Variants in SHROOM3 observed in about 807,000 individuals in gnomAD.
SHROOM3 encodes shroom family member 3, also known as protein Shroom3.
A neutral mutation model predicts 138.6 loss-of-function variants in SHROOM3; 47 were observed. That is an observed-to-expected ratio of 0.34 (90% CI 0.27 to 0.43). The LOEUF (loss-of-function observed/expected upper bound fraction) is 0.43, where lower values mean the gene tolerates loss of function less well. Ranked by LOEUF, SHROOM3 falls within the 20% of genes least tolerant of loss-of-function variation. SHROOM3 has a pLI of 1.00. For synonymous variants in SHROOM3, 1,062 were observed against 1,063.3 expected (o/e 1.00, Z 0.02); for missense variants, 2,491 against 2,596.5 (o/e 0.96, Z 0.88).
chr4:76,486,606 G>T (rs1329107995), intron 1 of SHROOM3, among the ~76,000 whole-genome samples: 1 of 152,212 alleles, frequency 6.6e-6, no homozygotes, highest in Admixed American at 6.5e-5. Context: ...TCCCAGGAAA[G>T]AAAGCTACAT....
At chr4:76,508,732 G>A (rs1026583200) in intron 1 of SHROOM3, among the ~76,000 whole-genome samples, 9 of 152,132 alleles carry the variant, frequency 5.9e-5, no homozygotes, top group Non-Finnish European at 1.2e-4. Flanking sequence ...TTTCAACAAT[G>A]TTTCATGGTT....
chr4:76,464,234 G>A (rs1004129537), intron 1 of SHROOM3, among the ~76,000 whole-genome samples: 3 of 152,220 alleles, frequency 2.0e-5, no homozygotes, highest in Non-Finnish European at 4.4e-5. Context: ...TGACTTGGAT[G>A]TGATACATGG....
intron 2 of SHROOM3, among the ~76,000 whole-genome samples, chr4:76,672,488 C>T (rs1560586823): frequency 6.6e-6 from 1 of 150,774 alleles, no homozygotes; most frequent in Admixed American, 6.6e-5. Context: ...GAACAGTAAG[C>T]TTAAACTATG....
intron 4 of SHROOM3, among the ~76,000 whole-genome samples, chr4:76,731,787 A>AAAAC (rs1293664274): frequency 4.1e-5 from 6 of 147,072 alleles, no homozygotes; most frequent in Non-Finnish European, 9.0e-5. Flanking sequence ...TCTCAAAAAA[A>AAAAC]AAACAAACAA....
chr4:76,510,887 A>T (rs4604077), intron 1 of SHROOM3, among the ~76,000 whole-genome samples: 45,101 of 151,920 alleles, frequency 0.3, 7,552 homozygotes, highest in African/African-American at 0.44. Flanking sequence ...TGGCTCTAAA[A>T]TGTTCATTTC....
At chr4:76,436,803 C>A (rs2109961254) in intron 1 of SHROOM3, among the ~76,000 whole-genome samples, 1 of 152,274 alleles carries the variant, frequency 6.6e-6, no homozygotes, top group Middle Eastern at 3.4e-3. Context: ...CTGCAGCATA[C>A]CTCAATTCTT....
chr4:76,780,846 C>A lies in SHROOM3; in HGVS notation c.*1669C>A. Reference sequence around the variant, plus strand: ...CCTGTCTCCCAGGAAAGCAGTAGAACCAGTGACAGCATTCAACAGCCACAC... The same window carrying A: ...CCTGTCTCCCAGGAAAGCAGTAGAAACAGTGACAGCATTCAACAGCCACAC... On this transcript the variant is annotated 3_prime_UTR_variant, in exon 11 of 11. Coordinates refer to ENST00000296043, the MANE Select transcript of SHROOM3 (RefSeq NM_020859.4). 1 of 152,298 alleles carries A rather than the reference C, an allele frequency of 6.6e-6. No homozygotes were observed. The highest frequency in any genetic ancestry group is 1.5e-5 in the Non-Finnish European group (1 of 68,060). 9.4% of individuals were successfully genotyped at this position (152,298 alleles called of 1,614,324 possible).
intron 3 of SHROOM3, among the ~76,000 whole-genome samples, chr4:76,727,534 T>A (rs976513530): frequency 1.3e-5 from 2 of 152,170 alleles, no homozygotes; most frequent in African/African-American, 4.8e-5. Context: ...GCAGCAAGAA[T>A]ACTGAACTGC....
chr4:76,516,913 C>T (rs1017632156), intron 1 of SHROOM3, among the ~76,000 whole-genome samples: 6 of 152,182 alleles, frequency 3.9e-5, no homozygotes, highest in Admixed American at 3.3e-4. Context: ...TTCCATCATA[C>T]CCAGATTTTA....
chr4:76,594,547 G>T (rs577520603), intron 2 of SHROOM3, among the ~76,000 whole-genome samples: 13 of 152,292 alleles, frequency 8.5e-5, no homozygotes, highest in East Asian at 1.9e-4. Context: ...AATTAGAGGT[G>T]AGGACATCAT....
At chr4:76,759,744 A>G in intron 9 of SHROOM3, 49 bp downstream of exon 9, 1 of 1,593,330 alleles carries the variant, frequency 6.3e-7, no homozygotes, top group Non-Finnish European at 8.6e-7. Context: ...AGAAAAATTG[A>G]CAAGGTCCAT....
intron 1 of SHROOM3, among the ~76,000 whole-genome samples, chr4:76,516,634 T>C (rs1732450092): frequency 6.6e-6 from 1 of 151,924 alleles, no homozygotes; most frequent in African/African-American, 2.4e-5. Context: ...CTAATAGATA[T>C]TATGCAATAA....
intron 1 of SHROOM3, among the ~76,000 whole-genome samples, chr4:76,497,012 C>T (rs978055154): frequency 6.6e-5 from 10 of 152,134 alleles, no homozygotes; most frequent in African/African-American, 1.9e-4. Flanking sequence ...TAGCATGGTG[C>T]CTTACATAAA....
intron 2 of SHROOM3, among the ~76,000 whole-genome samples, chr4:76,669,712 C>T (rs545048204): frequency 6.2e-4 from 94 of 151,834 alleles, no homozygotes; most frequent in Non-Finnish European, 1.2e-3. Flanking sequence ...CAAACCAAAA[C>T]GAGTATGTGG....
intron 1 of SHROOM3, among the ~76,000 whole-genome samples, chr4:76,505,518 C>T (rs1032389646): frequency 2.6e-5 from 4 of 151,772 alleles, no homozygotes; most frequent in African/African-American, 9.7e-5. Flanking sequence ...GGTTCTGCAT[C>T]TATGGATTCA....
Position 76,741,782 on chromosome 4 carries a change from T to C in SHROOM3, c.3609T>C (p.Asp1203=), listed in dbSNP as rs751394463. Reference sequence around the variant, plus strand: ...GAACAAGGGGCACCCAGAGAGGGGATGAGACCCCCAGGGAGCCATCCTCCT... The same window carrying C: ...GAACAAGGGGCACCCAGAGAGGGGACGAGACCCCCAGGGAGCCATCCTCCT... The part of the protein sequence containing the change: ...NGGTRGTQRG[D]ETPREPSSWG... Residue 1203 remains aspartate, a synonymous_variant, in exon 5 of 11, where the codon GAT becomes GAC. Coordinates refer to ENST00000296043, the MANE Select transcript of SHROOM3 (RefSeq NM_020859.4). The surrounding 1 kb of genome is among the most constrained non-coding windows in gnomAD (Gnocchi z 6.2). 6.3e-7 allele frequency: 1 copy of C among 1,576,616 alleles called. No individual in the cohort carries two copies. The highest frequency in any genetic ancestry group is 2.3e-5 in the East Asian group (1 of 43,190).
intron 2 of SHROOM3, among the ~76,000 whole-genome samples, chr4:76,665,692 C>T (rs1454587530): frequency 6.6e-6 from 1 of 152,162 alleles, no homozygotes; most frequent in Non-Finnish European, 1.5e-5. Flanking sequence ...GAAACATTGC[C>T]CTGTTCTGGT....
intron 2 of SHROOM3, among the ~76,000 whole-genome samples, chr4:76,590,509 CT>C (rs34593122): frequency 0.062 from 8,470 of 137,410 alleles, 287 homozygotes; most frequent in Non-Finnish European, 0.087. Context: ...AAGAATGGTG[CT>C]TTTTTTTTTT....
chr4:76,474,078 TG>T (rs1243015474), intron 1 of SHROOM3, among the ~76,000 whole-genome samples: 1 of 152,164 alleles, frequency 6.6e-6, no homozygotes, highest in Non-Finnish European at 1.5e-5. Flanking sequence ...TAAAATATGG[TG>T]TACTCATTGA....
Sources: allele counts gnomAD v4.1 joint callset (sites outside exome capture counted in the v4.1 genomes callset), GRCh38; gene constraint gnomAD v4.1.1; non-coding constraint Gnocchi (gnomAD v3.1); transcripts MANE v1.5; gene names NCBI Gene and HGNC (gene_info 2026-07-23, HGNC 2026-07-21).